Variants in EPB41 observed in about 807,000 individuals in gnomAD.
The protein encoded by EPB41 is erythrocyte membrane protein band 4.1.
In EPB41, 65 loss-of-function variants were observed where a neutral mutation model predicts 108.0. The observed-to-expected ratio is 0.60, with a 90% CI of 0.49 to 0.74. The LOEUF is 0.74. Among genes scored for constraint, EPB41 ranks in the 30% least tolerant of loss-of-function variants. The probability of loss-of-function intolerance (pLI) is 0.00; values close to 1 mark genes in which losing one functional copy is unlikely to be tolerated. For missense variants in EPB41, 875 were observed against 1,037.0 expected, an observed-to-expected ratio of 0.84 and a Z score of 2.15; for synonymous variants, 336 against 358.9, an observed-to-expected ratio of 0.94 and a Z score of 0.72.
intron 12 of EPB41, 63 bp downstream of exon 12, chr1:29,053,375 A>T: frequency 6.3e-7 from 1 of 1,579,044 alleles, no homozygotes; most frequent in Non-Finnish European, 8.7e-7. Context: ...TAACTTTTTG[A>T]CCAGGAACGT....
chr1:28,922,938 T>A (rs2093203180), intron 1 of EPB41, among the ~76,000 whole-genome samples: 1 of 151,726 alleles, frequency 6.6e-6, no homozygotes, highest in Non-Finnish European at 1.5e-5. Flanking sequence ...GAGATGATCT[T>A]ATGATATTGC....
At chr1:28,954,376 TA>T (rs2094862280) in intron 1 of EPB41, among the ~76,000 whole-genome samples, 1 of 152,206 alleles carries the variant, frequency 6.6e-6, no homozygotes, top group South Asian at 2.1e-4. Context: ...ACTGCTATTT[TA>T]AGATTATTAA....
Position 29,056,278 on chromosome 1 carries a change from C to CA in EPB41, c.1846-2301dup, listed in dbSNP as rs549272078. On this transcript the variant is annotated intron_variant, in intron 12 of 20. Coordinates refer to ENST00000343067, the MANE Select transcript of EPB41 (RefSeq NM_001376013.1). ...AACAACAAAACAAAACAAAACAAAA[C>CA]AAAAAAAAAACTATGGCATTTACTT... 1.2e-3 allele frequency among the ~76,000 whole-genome samples: 169 copies of CA among 142,378 alleles called. 1 individual carries two copies. In the Middle Eastern group the frequency reaches 0.025, roughly 21 times the overall value. 93.4% of individuals were successfully genotyped at this position (142,378 alleles called of 152,430 possible). A position where few individuals can be genotyped will look rare whatever the true frequency, so the allele number is the denominator to read the frequency against.
chr1:29,015,601 G>C, intron 5 of EPB41, 91 bp from the exon 6 acceptor site: 1 of 844,850 alleles, frequency 1.2e-6, no homozygotes, highest in Admixed American at 2.3e-5. Context: ...GAAAGAAAAA[G>C]AAAAAGAGAA....
At chr1:29,003,105 A>C (rs1185982460) in intron 4 of EPB41, among the ~76,000 whole-genome samples, 1 of 152,224 alleles carries the variant, frequency 6.6e-6, no homozygotes, top group Non-Finnish European at 1.5e-5. Context: ...ATTTTTGTTT[A>C]ACACTATCAG....
intron 16 of EPB41, among the ~76,000 whole-genome samples, chr1:29,081,621 A>T (rs1656657788): frequency 6.6e-6 from 1 of 152,216 alleles, no homozygotes; most frequent in Non-Finnish European, 1.5e-5. Context: ...GGATCGCCTG[A>T]GGTCGGGAGT....
intron 7 of EPB41, among the ~76,000 whole-genome samples, chr1:29,027,434 C>T (rs6673679): frequency 0.12 from 18,721 of 149,892 alleles, 1,587 homozygotes; most frequent in African/African-American, 0.25. Context: ...CAGGTTCAAG[C>T]GATTCTCCTG....
At chr1:28,921,647 C>G (rs2093079402) in intron 1 of EPB41, among the ~76,000 whole-genome samples, 1 of 151,962 alleles carries the variant, frequency 6.6e-6, no homozygotes, top group African/African-American at 2.4e-5. Flanking sequence ...CTGTTGCCAG[C>G]TTACTACCTG....
At chr1:29,017,176 A>T (rs1349079704) in intron 6 of EPB41, among the ~76,000 whole-genome samples, 2 of 152,198 alleles carry the variant, frequency 1.3e-5, no homozygotes, top group African/African-American at 4.8e-5. Flanking sequence ...ATTTCTAAAA[A>T]TCTTTGCTAA....
chr1:28,909,675 C>T (rs1302845382), upstream of EPB41, among the ~76,000 whole-genome samples: 1 of 151,818 alleles, frequency 6.6e-6, no homozygotes, highest in Non-Finnish European at 1.5e-5. Flanking sequence ...TGGCATATAC[C>T]TGTAGTCCCA....
At chr1:28,984,470 T>G (rs2095828365) in intron 1 of EPB41, among the ~76,000 whole-genome samples, 1 of 152,186 alleles carries the variant, frequency 6.6e-6, no homozygotes, top group Non-Finnish European at 1.5e-5. Flanking sequence ...CTTGACTGTT[T>G]TGTTTACTGT....
At chr1:29,087,418 A>G in intron 16 of EPB41, among the ~76,000 whole-genome samples, 1 of 152,028 alleles carries the variant, frequency 6.6e-6, no homozygotes, top group Non-Finnish European at 1.5e-5. Flanking sequence ...GCTGGAGTGC[A>G]ATGGCACAAT....
intron 1 of EPB41, among the ~76,000 whole-genome samples, chr1:28,900,514 C>A (rs2091169350): frequency 6.6e-6 from 1 of 152,050 alleles, no homozygotes; most frequent in Admixed American, 6.6e-5. Flanking sequence ...TCTTGAACTC[C>A]TGACCTCAAG....
At chr1:28,991,780 A>G (rs1185584552) in intron 2 of EPB41, among the ~76,000 whole-genome samples, 1 of 151,564 alleles carries the variant, frequency 6.6e-6, no homozygotes, top group Non-Finnish European at 1.5e-5. Context: ...TAATTGTATG[A>G]TCCTAGGCAA....
At chr1:28,941,788 G>A (rs1295572404) in intron 1 of EPB41, among the ~76,000 whole-genome samples, 1 of 151,514 alleles carries the variant, frequency 6.6e-6, no homozygotes, top group Non-Finnish European at 1.5e-5. Context: ...CCAGCTACTC[G>A]GAAGCTGAGG....
chr1:29,104,645 A>G (rs532061915), intron 17 of EPB41, among the ~76,000 whole-genome samples: 228 of 151,900 alleles, frequency 1.5e-3, no homozygotes, highest in Non-Finnish European at 2.6e-3. Flanking sequence ...CTGCAGTAGC[A>G]TGATCTCAGC....
At chr1:28,941,365 G>C (rs2094279218) in intron 1 of EPB41, among the ~76,000 whole-genome samples, 1 of 152,038 alleles carries the variant, frequency 6.6e-6, no homozygotes, top group Admixed American at 6.6e-5. Context: ...GGGTGGCAGA[G>C]TGAGACCTTG....
At chr1:28,973,195 C>G (rs1263101685) in intron 1 of EPB41, among the ~76,000 whole-genome samples, 1 of 152,044 alleles carries the variant, frequency 6.6e-6, no homozygotes, top group Non-Finnish European at 1.5e-5. Context: ...TAGTTTCTGT[C>G]CTCTGACTAG....
intron 11 of EPB41, among the ~76,000 whole-genome samples, chr1:29,052,291 C>G (rs12065679): frequency 6.6e-6 from 1 of 152,100 alleles, no homozygotes; most frequent in Non-Finnish European, 1.5e-5. Flanking sequence ...CTCCCCTCCT[C>G]TGTTACAACA....
Sources: allele counts gnomAD v4.1 joint callset (sites outside exome capture counted in the v4.1 genomes callset), GRCh38; gene constraint gnomAD v4.1.1; transcripts MANE v1.5; gene names NCBI Gene and HGNC (gene_info 2026-07-23, HGNC 2026-07-21).